The following AOC1 variants were observed in gnomAD, a reference collection of about 807,000 sequenced individuals.
AOC1 encodes diamine oxidase [copper-containing].
A neutral mutation model predicts 57.1 loss-of-function variants in AOC1; 58 were observed. The observed-to-expected ratio is 1.02, with a 90% CI of 0.82 to 1.26. The LOEUF is 1.26. AOC1 is among the 50% of genes most tolerant of loss of function. AOC1 has a pLI of 0.00. For missense variants in AOC1, 917 were observed against 1,005.3 expected, an observed-to-expected ratio of 0.91 and a Z score of 1.19; for synonymous variants, 401 against 423.4, an observed-to-expected ratio of 0.95 and a Z score of 0.65.
chr7:150,856,979 C>T lies in AOC1; in HGVS notation c.509C>T (p.Thr170Ile), dbSNP rs751202069. ...CTGCATCAGTTCTTCCTCAATACCA[C>T]AGGCTTCTCATTCCAAGACTGCCAT... ...KPLHQFFLNTTGFSFQDCHDR... is the reference protein window; with the variant it reads ...KPLHQFFLNTIGFSFQDCHDR... Residue 170 changes from threonine to isoleucine, a missense_variant, in exon 2 of 5, where the codon ACA (threonine) becomes ATA (isoleucine). By Grantham distance (89) the Thr-to-Ile change is moderately conservative. Coordinates refer to ENST00000360937, the MANE Select transcript of AOC1 (RefSeq NM_001091.4). This position sits in a 1 kb window ranked among gnomAD's most constrained non-coding sequence, Gnocchi z 5.2. 1 of 1,614,080 alleles carries T rather than the reference C, an allele frequency of 6.2e-7. No homozygotes were observed. The highest frequency in any genetic ancestry group is 1.3e-5 in the African/African-American group (1 of 74,938).
Position 150,857,652 on chromosome 7 carries a change from C to A in AOC1, c.1182C>A (p.Thr394=). 6.2e-7 allele frequency: 1 copy of A among 1,614,114 alleles called. No homozygotes were observed. Among genetic ancestry groups the A allele is most frequent in the Non-Finnish European group, 8.5e-7 (1 of 1,179,994 alleles). Residue 394 remains threonine (T), a synonymous_variant, in exon 2 of 5, where the codon ACC becomes ACA. Transcript: ENST00000360937. This position sits in a 1 kb window ranked among gnomAD's most constrained non-coding sequence, Gnocchi z 6.6. ...ELAPGIDCPE[T]ATFLDTFHYY... is the part of the protein sequence containing the mutation. Reference sequence around the variant, plus strand: ...CCCCCGGCATCGACTGCCCGGAGACCGCCACCTTCCTGGACACTTTCCACT... The same window carrying A: ...CCCCCGGCATCGACTGCCCGGAGACAGCCACCTTCCTGGACACTTTCCACT...
In AOC1 at chr7:150,857,589, T is replaced by C. The variant is rs1220014174; in HGVS notation, c.1119T>C (p.Asp373=). 3 of 1,614,070 alleles carry C rather than the reference T, an allele frequency of 1.9e-6. No homozygotes were observed. Among genetic ancestry groups the C allele is most frequent in the South Asian group, 1.1e-5 (1 of 91,088 alleles). ...CAGGCATGCAGACCAAGTACCTCGA[T>C]GTCGGCTGGGGCCTGGGCAGCGTCA... ...TPAGMQTKYL[D]VGWGLGSVTH... is the part of the protein sequence containing the mutation. The change falls in exon 2 of 5, where the codon GAT becomes GAC. Residue 373 remains aspartate, a synonymous_variant. Coordinates refer to ENST00000360937, the MANE Select transcript of AOC1 (RefSeq NM_001091.4). This position sits in a 1 kb window ranked among gnomAD's most constrained non-coding sequence, Gnocchi z 6.6.
chr7:150,861,427 C>A lies in AOC1; in HGVS notation c.*218C>A. 1 of 514,444 alleles carries A rather than the reference C, an allele frequency of 1.9e-6. No homozygotes were observed. Among genetic ancestry groups the A allele is most frequent in the South Asian group, 4.5e-5 (1 of 22,298 alleles). The allele number at this position is 514,444 out of a possible 1,614,324, so 31.9% of individuals were successfully genotyped here. ...AGACGTGCACACACACAGACGTGCACGCACTCACACGGACATGCACACACA... is the reference window on the plus strand; with the variant it reads ...AGACGTGCACACACACAGACGTGCAAGCACTCACACGGACATGCACACACA... On this transcript the variant is annotated 3_prime_UTR_variant, in exon 5 of 5. Coordinates refer to ENST00000360937, the MANE Select transcript of AOC1 (RefSeq NM_001091.4). This position sits in a 1 kb window ranked among gnomAD's most constrained non-coding sequence, Gnocchi z 4.5.
Position 150,857,467 on chromosome 7 carries a change from G to A in AOC1, c.997G>A (p.Gly333Arg), listed in dbSNP as rs757908154. 77 of 1,612,404 alleles carry A rather than the reference G, an allele frequency of 4.8e-5. No individual in the cohort carries two copies. In the South Asian group the frequency reaches 5.7e-4, roughly 12 times the overall value. ...SFAFRLRSSS[G>R]LQVLNVHFGG... is the part of the protein sequence containing the mutation. ...TGCCTTCCGGCTGCGCTCCTCCTCC[G>A]GGCTGCAGGTCCTGAACGTGCACTT... The change falls in exon 2 of 5, where the codon GGG becomes AGG. Residue 333 changes from glycine to arginine, a missense_variant. Transcript: ENST00000360937. The surrounding 1 kb of genome is among the most constrained non-coding windows in gnomAD (Gnocchi z 6.6).
At chr7:150,854,012 A>G (rs1799701783) in intron 1 of AOC1, 1 of 152,188 alleles carries the variant, frequency 6.6e-6, no homozygotes, top group Non-Finnish European at 1.5e-5. Flanking sequence ...ACAGAGCAAG[A>G]CTGTCTCAGG....
Position 150,857,710 on chromosome 7 carries a change from C to A in AOC1, c.1240C>A (p.Arg414=). Residue 414 remains arginine (R), a synonymous_variant, in exon 2 of 5, where the codon CGA becomes AGA. Transcript: ENST00000360937. The surrounding 1 kb of genome is among the most constrained non-coding windows in gnomAD (Gnocchi z 6.6). ...TGCCGATGACCCGGTCCATTATCCCCGAGCCCTCTGCCTCTTTGAAATGCC... is the reference window on the plus strand; with the variant it reads ...TGCCGATGACCCGGTCCATTATCCCAGAGCCCTCTGCCTCTTTGAAATGCC... ...YDADDPVHYP[R]ALCLFEMPTG... 6.2e-7 allele frequency: 1 copy of A among 1,614,150 alleles called. No homozygotes were observed. Among genetic ancestry groups the A allele is most frequent in the Non-Finnish European group, 8.5e-7 (1 of 1,179,986 alleles).
chr7:150,854,886 C>T (rs977878549), intron 1 of AOC1, among the ~76,000 whole-genome samples: 5 of 152,180 alleles, frequency 3.3e-5, no homozygotes, highest in African/African-American at 4.8e-5. Flanking sequence ...GCAGCCTGGG[C>T]CCCCTGGGAA....
chr7:150,860,597 G>T lies in AOC1; in HGVS notation c.1953G>T (p.Glu651Asp). 6 of 1,614,000 alleles carry T rather than the reference G, an allele frequency of 3.7e-6. No homozygotes were observed. The highest frequency in any genetic ancestry group is 4.2e-6 in the Non-Finnish European group (5 of 1,179,942). Residue 651 changes from glutamate (E) to aspartate (D), a missense_variant, in exon 4 of 5, where the codon GAG (glutamate) becomes GAT (aspartate). Glu to Asp is a conservative substitution (Grantham distance 45, BLOSUM62 2). Transcript: ENST00000360937. Reference sequence around the variant, plus strand: ...CCTGGCACCCGCCCGTGGTCTTTGAGCAGTTTCTTCACAACAACGAGAACA... The same window carrying T: ...CCTGGCACCCGCCCGTGGTCTTTGATCAGTTTCTTCACAACAACGAGAACA... ...NDPWHPPVVF[E>D]QFLHNNENIE...
In AOC1 at chr7:150,858,018, C is replaced by A; in HGVS notation, c.1548C>A (p.Tyr516Ter). 6.5e-7 allele frequency: 1 copy of A among 1,528,490 alleles called. No individual in the cohort carries two copies. The highest frequency in any genetic ancestry group is 8.8e-7 in the Non-Finnish European group (1 of 1,142,704). The allele number at this position is 1,528,490 out of a possible 1,614,324, so 94.7% of individuals were successfully genotyped here. Residue 516 changes from tyrosine (Y) to a stop codon, truncating the protein, a stop_gained, in exon 2 of 5, where the codon TAC becomes TAA. Transcript: ENST00000360937. LOFTEE classifies it high-confidence loss of function. Reference protein sequence around the residue: ...IGNIHTHLVHYRVDLDVAGTK... With the variant: ...IGNIHTHLVH Reference sequence around the variant, plus strand: ...ACATACACACTCACTTGGTGCACTACCGCGTAGACCTGGATGTGGCAGGTA... The same window carrying A: ...ACATACACACTCACTTGGTGCACTAACGCGTAGACCTGGATGTGGCAGGTA...
rs1563101154 is a variant in AOC1 at position 150,861,124 on chromosome 7, A to G, written c.2171A>G (p.Asn724Ser). Residue 724 changes from asparagine (N) to serine (S), a missense_variant, in exon 5 of 5, where the codon AAC becomes AGC. Coordinates refer to ENST00000360937, the MANE Select transcript of AOC1 (RefSeq NM_001091.4). The surrounding 1 kb of genome is among the most constrained non-coding windows in gnomAD (Gnocchi z 4.5). ...GTGTGGCCTCGGGACAACGGCCCCA[A>G]CTACGTCCAGCGCTGGATCCCTGAG... is the stretch of plus-strand genomic sequence containing the variant. ...VIVWPRDNGPNYVQRWIPEDR... is the reference protein window; with the variant it reads ...VIVWPRDNGPSYVQRWIPEDR... 4 of 1,614,094 alleles carry G rather than the reference A, an allele frequency of 2.5e-6. No homozygotes were observed. The highest frequency in any genetic ancestry group is 3.4e-6 in the Non-Finnish European group (4 of 1,179,964).
intron 1 of AOC1, chr7:150,854,063 G>T (rs1799703363): frequency 6.6e-6 from 1 of 152,054 alleles, no homozygotes; most frequent in Non-Finnish European, 1.5e-5. Context: ...AAAAAAAGAG[G>T]CCTGGCCAAT....
Position 150,861,087 on chromosome 7 carries a change from G to A in AOC1, c.2134G>A (p.Asp712Asn), listed in dbSNP as rs1409160366. The change falls in exon 5 of 5, where the codon GAC (aspartate) becomes AAC (asparagine). Residue 712 changes from aspartate (D) to asparagine (N), a missense_variant. Asp to Asn is a conservative substitution (Grantham distance 23). Coordinates refer to ENST00000360937, the MANE Select transcript of AOC1 (RefSeq NM_001091.4). This position sits in a 1 kb window ranked among gnomAD's most constrained non-coding sequence, Gnocchi z 4.5. The part of the protein sequence containing the change: ...FPEDPSLASR[D>N]TVIVWPRDNG... ...AGAGGACCCCTCCCTGGCATCCAGAGACACTGTGATCGTGTGGCCTCGGGA... is the reference window on the plus strand; with the variant it reads ...AGAGGACCCCTCCCTGGCATCCAGAAACACTGTGATCGTGTGGCCTCGGGA... The A allele has an allele frequency of 9.3e-6, 15 of 1,614,162 alleles. No homozygotes were observed. Among genetic ancestry groups the A allele is most frequent in the Non-Finnish European group, 1.3e-5 (15 of 1,180,010 alleles).
Position 150,857,477 on chromosome 7 carries a change from TC to T in AOC1, c.1009del (p.Leu337Ter). On this transcript the variant is annotated frameshift_variant, in exon 2 of 5. Transcript: ENST00000360937. LOFTEE classifies it high-confidence loss of function. The surrounding 1 kb of genome is among the most constrained non-coding windows in gnomAD (Gnocchi z 6.6). ...FRLRSSSGLQ[V>X]LNVHFGGERI... ...CTGCGCTCCTCCTCCGGGCTGCAGG[TC>T]CTGAACGTGCACTTCGGCGGAGAGC... 1 of 1,613,182 alleles carries T rather than the reference TC, an allele frequency of 6.2e-7. No homozygotes were observed. Among genetic ancestry groups the T allele is most frequent in the South Asian group, 1.1e-5 (1 of 91,080 alleles).
intron 2 of AOC1, 33 bp downstream of exon 2, chr7:150,858,073 C>T: frequency 6.7e-7 from 1 of 1,494,598 alleles, no homozygotes; most frequent in Non-Finnish European, 8.9e-7. Flanking sequence ...CCCGTTCAAA[C>T]ATCTGCATCC....
rs982627031 is a variant in AOC1, at chr7:150,857,483, A to G, written c.1013A>G (p.Asn338Ser). 74 of 1,613,254 alleles carry G rather than the reference A, an allele frequency of 4.6e-5. 4 individuals carry two copies. In the Admixed American group the frequency reaches 1.2e-3, roughly 27 times the overall value. Reference sequence around the variant, plus strand: ...TCCTCCTCCGGGCTGCAGGTCCTGAACGTGCACTTCGGCGGAGAGCGCATT... The same window carrying G: ...TCCTCCTCCGGGCTGCAGGTCCTGAGCGTGCACTTCGGCGGAGAGCGCATT... ...LRSSSGLQVLNVHFGGERIAY... is the reference protein window; with the variant it reads ...LRSSSGLQVLSVHFGGERIAY... The change falls in exon 2 of 5, where the codon AAC becomes AGC. Residue 338 changes from asparagine to serine, a missense_variant. By Grantham distance (46) the Asn-to-Ser change is conservative (BLOSUM62 1). Coordinates refer to ENST00000360937, the MANE Select transcript of AOC1 (RefSeq NM_001091.4). This position sits in a 1 kb window ranked among gnomAD's most constrained non-coding sequence, Gnocchi z 6.6.
In AOC1 at chr7:150,857,515, G is replaced by A. The variant is rs1220751519; in HGVS notation, c.1045G>A (p.Glu349Lys). The A allele has an allele frequency of 6.2e-7, 1 of 1,613,972 alleles. No homozygotes were observed. Among genetic ancestry groups the A allele is most frequent in the East Asian group, 2.2e-5 (1 of 44,888 alleles). The change falls in exon 2 of 5, where the codon GAG becomes AAG. Residue 349 changes from glutamate to lysine, a missense_variant. Transcript: ENST00000360937. This position sits in a 1 kb window ranked among gnomAD's most constrained non-coding sequence, Gnocchi z 6.6. ...CTTCGGCGGAGAGCGCATTGCCTAT[G>A]AGGTCAGCGTGCAAGAGGCAGTGGC... ...VHFGGERIAYEVSVQEAVALY... is the reference protein window; with the variant it reads ...VHFGGERIAYKVSVQEAVALY...
intron 1 of AOC1, among the ~76,000 whole-genome samples, chr7:150,855,253 C>T (rs1304480236): frequency 6.6e-6 from 1 of 152,142 alleles, no homozygotes; most frequent in Admixed American, 6.5e-5. Flanking sequence ...ACGGTGACGG[C>T]AGCCTTCCAG....
At position 150,856,290 on chromosome 7, in the gene AOC1, G is replaced by T. The variant is rs2071513; in HGVS notation, c.-16-165G>T. Among the ~76,000 whole-genome samples, 36,720 of 152,074 alleles carry T rather than the reference G, an allele frequency of 0.24. 4,748 individuals are homozygous for T. Among genetic ancestry groups the T allele is most frequent in the African/African-American group, 0.32 (13,291 of 41,482 alleles). On this transcript the variant is annotated intron_variant, in intron 1 of 4. Transcript: ENST00000360937. This position sits in a 1 kb window ranked among gnomAD's most constrained non-coding sequence, Gnocchi z 5.2. Reference sequence around the variant, plus strand: ...GATGCACAGGCAGCGGCCCGACGGCGCTGGGGACTATGCATGGGGCCCCAG... The same window carrying T: ...GATGCACAGGCAGCGGCCCGACGGCTCTGGGGACTATGCATGGGGCCCCAG...
intron 3 of AOC1, among the ~76,000 whole-genome samples, chr7:150,859,635 G>A (rs988853110): frequency 1.2e-4 from 17 of 143,920 alleles, no homozygotes; most frequent in Admixed American, 2.8e-4. Context: ...CCCGGGAGGC[G>A]GAGCTTGCAG....
Sources: allele counts gnomAD v4.1 joint callset (sites outside exome capture counted in the v4.1 genomes callset), GRCh38; gene constraint gnomAD v4.1.1; non-coding constraint Gnocchi (gnomAD v3.1); transcripts MANE v1.5; gene names NCBI Gene and HGNC (gene_info 2026-07-23, HGNC 2026-07-21).